The following ASCC3 variants were observed in gnomAD, a reference collection of about 807,000 sequenced individuals.
The protein encoded by ASCC3 is activating signal cointegrator 1 complex subunit 3.
ASCC3 carries 158 observed loss-of-function variants against 256.3 expected under a neutral mutation model. The ratio of observed to expected loss-of-function variants is 0.62; its 90% CI spans 0.54 to 0.70. The LOEUF (loss-of-function observed/expected upper bound fraction) is 0.70, where lower values mean the gene tolerates loss of function less well. ASCC3 is among the 30% of genes least tolerant of loss of function. The pLI, the probability that ASCC3 is intolerant of heterozygous loss-of-function variation, is 0.00. For synonymous variants in ASCC3, 948 were observed against 883.4 expected, an observed-to-expected ratio of 1.07 and a Z score of -1.30; for missense variants, 2,259 against 2,626.0, an observed-to-expected ratio of 0.86 and a Z score of 3.05.
chr6:100,763,920 T>C (rs1282696130), intron 10 of ASCC3, among the ~76,000 whole-genome samples: 1 of 152,182 alleles, frequency 6.6e-6, no homozygotes, highest in Non-Finnish European at 1.5e-5. Context: ...ATCCATTGCT[T>C]GGCCAGAGTC....
intron 36 of ASCC3, among the ~76,000 whole-genome samples, chr6:100,583,529 CA>C (rs1562138386): frequency 6.6e-6 from 1 of 151,928 alleles, no homozygotes; most frequent in Non-Finnish European, 1.5e-5. Context: ...TGATCCTTTC[CA>C]AAAACCAGCT....
chr6:100,639,674 C>G (rs1315339548), intron 24 of ASCC3, among the ~76,000 whole-genome samples: 1 of 152,134 alleles, frequency 6.6e-6, no homozygotes, highest in African/African-American at 2.4e-5. Context: ...GGCAAATTTT[C>G]TTCTTAAAAA....
At chr6:100,608,049 T>TAC (rs1772997590) in intron 30 of ASCC3, among the ~76,000 whole-genome samples, 1 of 136,288 alleles carries the variant, frequency 7.3e-6, no homozygotes, top group Non-Finnish European at 1.6e-5. Flanking sequence ...TACATACATA[T>TAC]ACATATATAC....
chr6:100,565,139 C>A (rs1770166192), intron 36 of ASCC3, among the ~76,000 whole-genome samples: 1 of 152,118 alleles, frequency 6.6e-6, no homozygotes, highest in African/African-American at 2.4e-5. Flanking sequence ...TTGACCAGAG[C>A]TTTAACTGCA....
intron 1 of ASCC3, among the ~76,000 whole-genome samples, chr6:100,877,734 T>C (rs1769054561): frequency 2.6e-5 from 4 of 152,212 alleles, no homozygotes; most frequent in Non-Finnish European, 5.9e-5. Context: ...CTAGAGATTC[T>C]GCTTACCATT....
chr6:100,720,517 T>C (rs139851819), intron 11 of ASCC3, among the ~76,000 whole-genome samples: 151 of 151,962 alleles, frequency 9.9e-4, no homozygotes, highest in Middle Eastern at 3.4e-3. Flanking sequence ...TGCCTCAAGT[T>C]AGATTAGTTT....
rs1778352219 is a variant in ASCC3 at position 100,701,537 on chromosome 6, T to G, written c.2151+13925A>C. 3.9e-5 allele frequency among the ~76,000 whole-genome samples: 6 copies of G among 152,146 alleles called. No homozygotes were observed. In the South Asian group the frequency reaches 1.2e-3, roughly 32 times the overall value. On this transcript the variant is annotated intron_variant, in intron 13 of 41. Transcript: ENST00000369162. ...GCAGTGTGAAAATGGACTAATACAGTGCCTAACGGTGCATTTCTCAGAATG... is the reference window on the plus strand; with the variant it reads ...GCAGTGTGAAAATGGACTAATACAGGGCCTAACGGTGCATTTCTCAGAATG...
intron 30 of ASCC3, among the ~76,000 whole-genome samples, chr6:100,614,752 A>G (rs1208762360): frequency 1.3e-5 from 2 of 152,196 alleles, no homozygotes; most frequent in Non-Finnish European, 2.9e-5. Context: ...CTACATGCAG[A>G]AAACAAGTAA....
At chr6:100,820,508 G>A (rs1372118421) in intron 4 of ASCC3, among the ~76,000 whole-genome samples, 2 of 152,026 alleles carry the variant, frequency 1.3e-5, no homozygotes, top group Non-Finnish European at 2.9e-5. Flanking sequence ...TGACCTAAAT[G>A]TAAGAGCTAA....
Position 100,527,995 on chromosome 6 carries a change from C to A in ASCC3, c.5776-9853G>T, listed in dbSNP as rs182749096. ...GGTCTACAGGTGAGTGCCACCATGC[C>A]CAGCTAATTTTTTTTTTTTTGGTAG... On this transcript the variant is annotated intron_variant, in intron 37 of 41. Transcript: ENST00000369162. Among the ~76,000 whole-genome samples, 176 of 151,848 alleles carry A rather than the reference C, an allele frequency of 1.2e-3. 1 individual carries two copies. The highest frequency in any genetic ancestry group is 6.8e-3 in the Middle Eastern group (2 of 294).
At chr6:100,518,336 T>C (rs183405692) in intron 37 of ASCC3, among the ~76,000 whole-genome samples, 194 bp from the exon 38 acceptor site, 58 of 152,306 alleles carry the variant, frequency 3.8e-4, no homozygotes, top group African/African-American at 1.3e-3. Context: ...TAGCATTTAC[T>C]GTACATTACT....
chr6:100,653,406 A>C (rs946164344), intron 17 of ASCC3, among the ~76,000 whole-genome samples: 1 of 152,022 alleles, frequency 6.6e-6, no homozygotes, highest in Non-Finnish European at 1.5e-5. Flanking sequence ...TTGGGAGGCC[A>C]AGGTGGGCGG....
chr6:100,608,254 TTATATATACTTTA>T (rs1267352250), intron 30 of ASCC3, among the ~76,000 whole-genome samples: 3 of 72,162 alleles, frequency 4.2e-5, no homozygotes, highest in African/African-American at 6.8e-5. Flanking sequence ...TATATATACT[TTATATATACTTTA>T]TATATATACT....
intron 11 of ASCC3, among the ~76,000 whole-genome samples, chr6:100,719,753 A>G (rs1378763716): frequency 6.6e-6 from 1 of 152,016 alleles, no homozygotes; most frequent in African/African-American, 2.4e-5. Flanking sequence ...TTAAAAATTT[A>G]TAGCTTTCTC....
At chr6:100,828,104 A>C (rs1010250235) in intron 4 of ASCC3, among the ~76,000 whole-genome samples, 6 of 151,302 alleles carry the variant, frequency 4.0e-5, no homozygotes, top group African/African-American at 1.5e-4. Context: ...AAAAAAAAAA[A>C]AAAACGAAAA....
At chr6:100,731,336 C>T (rs1409857016) in intron 10 of ASCC3, among the ~76,000 whole-genome samples, 1 of 152,172 alleles carries the variant, frequency 6.6e-6, no homozygotes, top group Non-Finnish European at 1.5e-5. Context: ...TCAGAATATA[C>T]ATACTGAAGT....
At chr6:100,673,154 T>C (rs575623290) in intron 14 of ASCC3, among the ~76,000 whole-genome samples, 4 of 152,182 alleles carry the variant, frequency 2.6e-5, no homozygotes, top group African/African-American at 7.2e-5. Context: ...TGACTATTAA[T>C]AGAAATAAGT....
At chr6:100,649,201 A>G (rs906266588) in intron 20 of ASCC3, among the ~76,000 whole-genome samples, 2 of 151,922 alleles carry the variant, frequency 1.3e-5, no homozygotes, top group Admixed American at 1.3e-4. Flanking sequence ...TCATGAAGAG[A>G]ATTAAAGTTT....
rs1258314967 is a variant in ASCC3, at chr6:100,642,691, G to T, written c.3791C>A (p.Pro1264His). Reference sequence around the variant, plus strand: ...CACTGCTCGGATGTAGTATTGGGAAGGCAAAGGCTCAAAAATAGGGATTGT... The same window carrying T: ...CACTGCTCGGATGTAGTATTGGGAATGCAAAGGCTCAAAAATAGGGATTGT... ...VFTIPIFEPL[P>H]SQYYIRAVSD... The change falls in exon 24 of 42, where the codon CCT (proline) becomes CAT (histidine). Residue 1264 changes from proline to histidine, a missense_variant. Physicochemically the swap from Pro to His is moderately conservative, Grantham distance 77. Transcript: ENST00000369162. 1.9e-6 allele frequency: 3 copies of T among 1,613,952 alleles called. No homozygotes were observed. The highest frequency in any genetic ancestry group is 2.5e-6 in the Non-Finnish European group (3 of 1,179,886).
Sources: allele counts gnomAD v4.1 joint callset (sites outside exome capture counted in the v4.1 genomes callset), GRCh38; gene constraint gnomAD v4.1.1; transcripts MANE v1.5; gene names NCBI Gene and HGNC (gene_info 2026-07-23, HGNC 2026-07-21).